Variants in TLN2 observed in about 807,000 individuals in gnomAD.
TLN2 encodes talin 2, also known as talin-2.
TLN2 carries 118 observed loss-of-function variants against 294.7 expected under a neutral mutation model. The ratio of observed to expected loss-of-function variants is 0.40; its 90% CI spans 0.34 to 0.47. TLN2 has a LOEUF of 0.47. TLN2 is among the 20% of genes least tolerant of loss of function. TLN2 has a pLI of 0.84. For missense variants in TLN2, 3,083 were observed against 3,282.2 expected, an observed-to-expected ratio of 0.94 and a Z score of 1.48; for synonymous variants, 1,431 against 1,304.5, an observed-to-expected ratio of 1.10 and a Z score of -2.09.
intron 52 of TLN2, among the ~76,000 whole-genome samples, chr15:62,811,365 C>G (rs968035579): frequency 2.6e-5 from 4 of 152,198 alleles, no homozygotes; most frequent in Non-Finnish European, 4.4e-5. Context: ...GAGCCTCTAG[C>G]TAGACAGGTT....
intron 1 of TLN2, among the ~76,000 whole-genome samples, chr15:62,572,780 C>A (rs1453596077): frequency 6.8e-6 from 1 of 146,330 alleles, no homozygotes; most frequent in Non-Finnish European, 1.5e-5. Flanking sequence ...CTCTCACACC[C>A]CCACTGACCC....
intron 1 of TLN2, among the ~76,000 whole-genome samples, chr15:62,422,358 A>C (rs1217518235): frequency 6.6e-6 from 1 of 152,074 alleles, no homozygotes; most frequent in Non-Finnish European, 1.5e-5. Context: ...GATAAGGCCC[A>C]GGAATGTGAA....
At position 62,719,716 on chromosome 15, in the gene TLN2, G is replaced by A. The variant is rs190972859; in HGVS notation, c.2878-51G>A. On this transcript the variant is annotated intron_variant, in intron 24 of 58. Coordinates refer to ENST00000636159, the MANE Select transcript of TLN2 (RefSeq NM_015059.3). ...CTTGGGTCATGGTCTAGCTTCTTTG[G>A]ATGGTCCCACCATTCTAGCCATGCT... 3 of 1,437,218 alleles carry A rather than the reference G, an allele frequency of 2.1e-6. No homozygotes were observed. In the African/African-American group the frequency reaches 4.2e-5, roughly 20 times the overall value. The allele number at this position is 1,437,218 out of a possible 1,614,324, so 89.0% of individuals were successfully genotyped here.
Position 62,840,765 on chromosome 15 carries a change from C to T in TLN2, c.*155C>T, listed in dbSNP as rs1168701739. ...GCTTGTTCTCACATCTCTGTCCCGTCGGCACTGGCTGCATGATCGTGATGT... is the reference window on the plus strand; with the variant it reads ...GCTTGTTCTCACATCTCTGTCCCGTTGGCACTGGCTGCATGATCGTGATGT... On this transcript the variant is annotated 3_prime_UTR_variant, in exon 59 of 59. Coordinates refer to ENST00000636159, the MANE Select transcript of TLN2 (RefSeq NM_015059.3). The T allele has an allele frequency of 4.7e-6, 5 of 1,053,166 alleles. No individual in the cohort carries two copies. The highest frequency in any genetic ancestry group is 5.3e-6 in the Non-Finnish European group (4 of 749,930). 65.2% of individuals were successfully genotyped at this position (1,053,166 alleles called of 1,614,324 possible). A position where few individuals can be genotyped will look rare whatever the true frequency, so the allele number is the denominator to read the frequency against.
intron 1 of TLN2, among the ~76,000 whole-genome samples, chr15:62,473,815 C>T (rs889352209): frequency 2.0e-5 from 3 of 152,296 alleles, no homozygotes; most frequent in Admixed American, 6.5e-5. Flanking sequence ...TGTACAGGGC[C>T]GGGCATGGTG....
chr15:62,518,520 T>G (rs2040297470), intron 1 of TLN2, among the ~76,000 whole-genome samples: 1 of 152,204 alleles, frequency 6.6e-6, no homozygotes, highest in South Asian at 2.1e-4. Context: ...CTATCTACTT[T>G]ATCAGTGTTT....
chr15:62,802,338 G>A (rs2065983562), intron 50 of TLN2, among the ~76,000 whole-genome samples: 1 of 151,158 alleles, frequency 6.6e-6, no homozygotes, highest in Non-Finnish European at 1.5e-5. Flanking sequence ...TTGTGTATGT[G>A]TACCACAGTA....
chr15:62,529,505 C>G (rs992900083), intron 1 of TLN2, among the ~76,000 whole-genome samples: 1 of 151,616 alleles, frequency 6.6e-6, no homozygotes, highest in Non-Finnish European at 1.5e-5. Context: ...TCTCCAATCC[C>G]TGCCCCTCCC....
intron 9 of TLN2, among the ~76,000 whole-genome samples, chr15:62,672,122 G>A (rs2055506988): frequency 6.6e-6 from 1 of 152,104 alleles, no homozygotes; most frequent in Non-Finnish European, 1.5e-5. Context: ...CCGTTGAAAT[G>A]TGCTTTGATC....
At chr15:62,666,023 T>C (rs920441522) in intron 9 of TLN2, among the ~76,000 whole-genome samples, 9 of 152,212 alleles carry the variant, frequency 5.9e-5, no homozygotes, top group African/African-American at 2.2e-4. Flanking sequence ...TATTGTTTCA[T>C]CCTAGCTGTC....
In TLN2 at chr15:62,604,256, A is replaced by G. The variant is rs114994252; in HGVS notation, c.-161-14095A>G. 3.9e-3 allele frequency among the ~76,000 whole-genome samples: 591 copies of G among 152,200 alleles called. 6 individuals are homozygous for G. Among genetic ancestry groups the G allele is most frequent in the African/African-American group, 0.013 (559 of 41,536 alleles). On this transcript the variant is annotated intron_variant, in intron 2 of 58. Coordinates refer to ENST00000636159, the MANE Select transcript of TLN2 (RefSeq NM_015059.3). The stretch of plus-strand genomic sequence containing the variant: ...TCAAGGCGGGGCATGGTGGCTCTCA[A>G]CTGTAATTCAGCACTGTGGGAAGCT...
rs778368828 is a variant in TLN2 at position 62,722,407 on chromosome 15, C to A, written c.3046C>A (p.Gln1016Lys). The A allele has an allele frequency of 3.7e-6, 6 of 1,613,430 alleles. No individual in the cohort carries two copies. In the Admixed American group the frequency reaches 1.0e-4, roughly 27 times the overall value. Residue 1016 changes from glutamine (Q) to lysine (K), a missense_variant, in exon 26 of 59, where the codon CAG (glutamine) becomes AAG (lysine). By Grantham distance (53) the Gln-to-Lys change is moderately conservative. Transcript: ENST00000636159. ...AGCCGCAGTGCCCACCGTGAGTGAC[C>A]AGGCCGCAGCCATGCAGCTGAGCCA... ...AKAAVPTVSD[Q>K]AAAMQLSQCA... is the part of the protein sequence containing the mutation.
Position 62,722,427 on chromosome 15 carries a change from G to A in TLN2, c.3066G>A (p.Leu1022=), listed in dbSNP as rs1049781148. 1.2e-6 allele frequency: 2 copies of A among 1,613,410 alleles called. No homozygotes were observed. Among genetic ancestry groups the A allele is most frequent in the Non-Finnish European group, 8.5e-7 (1 of 1,179,820 alleles). The change falls in exon 26 of 59, where the codon CTG becomes CTA. Residue 1022 remains leucine, a synonymous_variant. Coordinates refer to ENST00000636159, the MANE Select transcript of TLN2 (RefSeq NM_015059.3). ...GTGACCAGGCCGCAGCCATGCAGCTGAGCCAGTGTGCCAAGAACCTGGCCA... is the reference window on the plus strand; with the variant it reads ...GTGACCAGGCCGCAGCCATGCAGCTAAGCCAGTGTGCCAAGAACCTGGCCA... ...TVSDQAAAMQ[L]SQCAKNLATS...
intron 1 of TLN2, among the ~76,000 whole-genome samples, chr15:62,524,573 A>G (rs1404480773): frequency 6.6e-6 from 1 of 152,112 alleles, no homozygotes; most frequent in African/African-American, 2.4e-5. Context: ...TAGCCTCCCT[A>G]CCTTGAAGTA....
At chr15:62,698,707 G>A (rs28663432) in intron 15 of TLN2, 47 bp from the exon 16 acceptor site, 64,186 of 1,502,614 alleles carry the variant, frequency 0.043, 2,309 homozygotes, top group African/African-American at 0.16. Flanking sequence ...GGGCCATGTC[G>A]GTCCCAGGCG....
At chr15:62,719,480 C>T (rs1228261598) in intron 24 of TLN2, among the ~76,000 whole-genome samples, 1 of 152,138 alleles carries the variant, frequency 6.6e-6, no homozygotes, top group Non-Finnish European at 1.5e-5. Context: ...TGAGTTGCAA[C>T]TAAGGAAATT....
intron 1 of TLN2, among the ~76,000 whole-genome samples, chr15:62,496,070 G>A (rs2039001852): frequency 6.6e-6 from 1 of 152,206 alleles, no homozygotes; most frequent in South Asian, 2.1e-4. Context: ...AATTGTAGTG[G>A]ATGGAAAGGG....
Position 62,461,346 on chromosome 15 carries a change from C to T in TLN2, c.-238+70661C>T, listed in dbSNP as rs193232496. Among the ~76,000 whole-genome samples the T allele has an allele frequency of 9.2e-5, 14 of 152,260 alleles. 1 individual carries two copies. The highest frequency in any genetic ancestry group is 6.5e-4 in the Admixed American group (10 of 15,284). On this transcript the variant is annotated intron_variant, in intron 1 of 58. Transcript: ENST00000636159. The stretch of plus-strand genomic sequence containing the variant: ...TGTTTGTGAGATTTGCCTCCATCTT[C>T]GTGTGAGTTGTGGGTCTGTCATTCT...
At chr15:62,396,232 G>A (rs2032534494) in intron 1 of TLN2, among the ~76,000 whole-genome samples, 3 of 152,196 alleles carry the variant, frequency 2.0e-5, no homozygotes, top group South Asian at 2.1e-4. Flanking sequence ...TTAGCAGTGA[G>A]GAGGGAGAGG....
Sources: allele counts gnomAD v4.1 joint callset (sites outside exome capture counted in the v4.1 genomes callset), GRCh38; gene constraint gnomAD v4.1.1; transcripts MANE v1.5; gene names NCBI Gene and HGNC (gene_info 2026-07-23, HGNC 2026-07-21).